The following HTR2C variants were observed in gnomAD, a reference collection of about 807,000 sequenced individuals.
The protein encoded by HTR2C is 5-hydroxytryptamine receptor 2C.
HTR2C carries 5 observed loss-of-function variants against 21.0 expected under a neutral mutation model. That is an observed-to-expected ratio of 0.24 (90% CI 0.12 to 0.50). The LOEUF is 0.50. Ranked by LOEUF, HTR2C falls within the 20% of genes least tolerant of loss-of-function variation. HTR2C has a pLI of 0.98. For missense variants in HTR2C, 271 were observed against 371.2 expected (o/e 0.73, Z 2.22); for synonymous variants, 150 against 145.3 (o/e 1.03, Z -0.23).
intron 5 of HTR2C, among the ~76,000 whole-genome samples, chrX:114,889,771 A>G (rs914074792): frequency 4.5e-5 from 5 of 111,322 alleles, no homozygotes; most frequent in Non-Finnish European, 7.5e-5. Flanking sequence ...AATAATGACA[A>G]TTTTTTAGGT....
intron 2 of HTR2C, among the ~76,000 whole-genome samples, chrX:114,641,739 A>G (rs782619894): frequency 5.4e-5 from 6 of 112,013 alleles, no homozygotes; most frequent in Non-Finnish European, 1.9e-5. Context: ...ATGCCATTTT[A>G]TTTTATTTTA....
At chrX:114,751,065 A>C (rs1453372094) in intron 4 of HTR2C, among the ~76,000 whole-genome samples, 1 of 112,062 alleles carries the variant, frequency 8.9e-6, no homozygotes, top group East Asian at 2.8e-4. Flanking sequence ...AGAGCTTAGC[A>C]GTTGTTATCA....
At position 114,700,043 on chromosome X, in the gene HTR2C, T is replaced by C. The variant is rs199773319; in HGVS notation, c.-79-26815T>C. Among the ~76,000 whole-genome samples the C allele has an allele frequency of 3.6e-5, 4 of 112,082 alleles. No homozygotes were observed. In the East Asian group the frequency reaches 1.1e-3, roughly 31 times the overall value. On this transcript the variant is annotated intron_variant, in intron 2 of 5. Transcript: ENST00000276198. ...TAATAAATAGATCTCTTCATTTCAT[T>C]CTAGCAGTTTGTATTGGCAGGTGAT... is the stretch of plus-strand genomic sequence containing the variant.
At chrX:114,726,058 G>C (rs12558481) in intron 2 of HTR2C, among the ~76,000 whole-genome samples, 29 of 111,753 alleles carry the variant, frequency 2.6e-4, no homozygotes, top group South Asian at 7.5e-4. Context: ...TCGAGCTTCC[G>C]GGCTGCTTTG....
chrX:114,703,511 A>G (rs1932634596), intron 2 of HTR2C, among the ~76,000 whole-genome samples: 1 of 111,480 alleles, frequency 9.0e-6, no homozygotes, highest in Non-Finnish European at 1.9e-5. Context: ...TTTGAAACCA[A>G]TGAGAGCAAA....
At chrX:114,694,271 TA>T (rs1556415494) in intron 2 of HTR2C, among the ~76,000 whole-genome samples, 1 of 110,563 alleles carries the variant, frequency 9.0e-6, no homozygotes, top group East Asian at 2.8e-4. Flanking sequence ...CATTTATTAG[TA>T]ATTTTCACAT....
chrX:114,868,299 T>C (rs1444948505), intron 5 of HTR2C, among the ~76,000 whole-genome samples: 2 of 111,432 alleles, frequency 1.8e-5, no homozygotes, highest in Admixed American at 9.6e-5. Flanking sequence ...AATTTTTAGA[T>C]AATAATTTCT....
Position 114,613,824 on chromosome X carries a change from C to G in HTR2C, c.-137C>G, listed in dbSNP as rs200711776. ...CAATGTTTGCTTTTAGGGTTATCAG[C>G]TAACACCCGCGAGCATCTATAACAT... is the stretch of plus-strand genomic sequence containing the variant. On this transcript the variant is annotated 5_prime_UTR_variant, in exon 2 of 6. Coordinates refer to ENST00000276198, the MANE Select transcript of HTR2C (RefSeq NM_000868.4). 17 of 111,485 alleles carry G rather than the reference C, an allele frequency of 1.5e-4. No individual in the cohort carries two copies. The highest frequency in any genetic ancestry group is 5.6e-4 in the African/African-American group (17 of 30,472). 9.2% of individuals were successfully genotyped at this position (111,485 alleles called of 1,213,427 possible). A position where few individuals can be genotyped will look rare whatever the true frequency, so the allele number is the denominator to read the frequency against.
chrX:114,712,084 A>T lies in HTR2C; in HGVS notation c.-79-14774A>T, dbSNP rs781906558. ...TACTACTTAAGAACAAATGTTCATG[A>T]TGATGCATATAATCTCTTTTTCTTA... On this transcript the variant is annotated intron_variant, in intron 2 of 5. Coordinates refer to ENST00000276198, the MANE Select transcript of HTR2C (RefSeq NM_000868.4). Among the ~76,000 whole-genome samples the T allele has an allele frequency of 1.7e-4, 19 of 112,009 alleles. No individual in the cohort carries two copies. The South Asian group carries it at 6.2e-3, about 37-fold the overall frequency.
intron 2 of HTR2C, among the ~76,000 whole-genome samples, chrX:114,688,147 C>T (rs1931980104): frequency 9.2e-6 from 1 of 109,220 alleles, no homozygotes; most frequent in Admixed American, 9.9e-5. Context: ...ATGGTGAAAC[C>T]CTGTCTCTAC....
At chrX:114,828,917 T>A (rs1262033635) in intron 4 of HTR2C, among the ~76,000 whole-genome samples, 2 of 112,324 alleles carry the variant, frequency 1.8e-5, no homozygotes, top group East Asian at 2.8e-4. Flanking sequence ...TCACTCTTTT[T>A]ATGGTTGAAT....
At position 114,801,722 on chromosome X, in the gene HTR2C, A is replaced by G. The variant is rs183051180; in HGVS notation, c.350-46281A>G. Among the ~76,000 whole-genome samples, 416 of 111,290 alleles carry G rather than the reference A, an allele frequency of 3.7e-3. 4 individuals carry two copies. The highest frequency in any genetic ancestry group is 0.013 in the African/African-American group (402 of 30,692). ...AGATGTGTTCGTTTATGGGGTGTAC[A>G]TGAGATCTTTTGATACAAGAGTACA... is the stretch of plus-strand genomic sequence containing the variant. On this transcript the variant is annotated intron_variant, in intron 4 of 5. Transcript: ENST00000276198.
intron 2 of HTR2C, among the ~76,000 whole-genome samples, chrX:114,685,701 G>A (rs1931890810): frequency 9.0e-6 from 1 of 111,610 alleles, no homozygotes; most frequent in Non-Finnish European, 1.9e-5. Context: ...AGTCATAGCA[G>A]TGGATTATCA....
intron 1 of HTR2C, among the ~76,000 whole-genome samples, chrX:114,599,268 G>A (rs1189396126): frequency 7.2e-5 from 8 of 111,850 alleles, no homozygotes; most frequent in Non-Finnish European, 1.1e-4. Flanking sequence ...TTCACAATGA[G>A]AGAGAAACAT....
rs201564088 is a variant in HTR2C at position 114,613,834 on chromosome X, C to G, written c.-127C>G. ...TTTTAGGGTTATCAGCTAACACCCG[C>G]GAGCATCTATAACATAGGCCAACTG... On this transcript the variant is annotated 5_prime_UTR_variant, in exon 2 of 6. Transcript: ENST00000276198. 9.0e-6 allele frequency: 1 copy of G among 111,291 alleles called. No individual in the cohort carries two copies. Among genetic ancestry groups the G allele is most frequent in the African/African-American group, 3.3e-5 (1 of 30,434 alleles). 9.2% of individuals were successfully genotyped at this position (111,291 alleles called of 1,213,427 possible). A position where few individuals can be genotyped will look rare whatever the true frequency, so the allele number is the denominator to read the frequency against.
At chrX:114,670,671 A>G (rs1556411542) in intron 2 of HTR2C, among the ~76,000 whole-genome samples, 1 of 112,329 alleles carries the variant, frequency 8.9e-6, no homozygotes, top group East Asian at 2.8e-4. Flanking sequence ...GTTTATAATG[A>G]AGATGTATTT....
intron 5 of HTR2C, among the ~76,000 whole-genome samples, chrX:114,850,134 G>T (rs188112220): frequency 4.7e-4 from 53 of 111,647 alleles, no homozygotes; most frequent in African/African-American, 1.6e-3. Flanking sequence ...CTAAGGGCCA[G>T]GCAGTGTCTT....
chrX:114,800,656 A>G (rs946490492), intron 4 of HTR2C, among the ~76,000 whole-genome samples: 1 of 111,534 alleles, frequency 9.0e-6, no homozygotes, highest in Non-Finnish European at 1.9e-5. Flanking sequence ...GTAGCTGGTA[A>G]TAAGCTGAAA....
intron 5 of HTR2C, among the ~76,000 whole-genome samples, chrX:114,873,301 T>A (rs1447012158): frequency 9.0e-6 from 1 of 111,633 alleles, no homozygotes; most frequent in African/African-American, 3.2e-5. Context: ...TTTCTTTTGA[T>A]TTTTCTTTTA....
Sources: allele counts gnomAD v4.1 joint callset (sites outside exome capture counted in the v4.1 genomes callset), GRCh38; gene constraint gnomAD v4.1.1; transcripts MANE v1.5; gene names NCBI Gene and HGNC (gene_info 2026-07-23, HGNC 2026-07-21).